The following NEK11 variants were observed in gnomAD, a reference collection of about 807,000 sequenced individuals.
The protein encoded by NEK11 is NIMA related kinase 11.
In NEK11, 72 loss-of-function variants were observed where a neutral mutation model predicts 80.7. The observed-to-expected ratio is 0.89, with a 90% confidence interval of 0.74 to 1.08. NEK11 has a LOEUF of 1.08. Ranked by LOEUF, NEK11 falls within the 50% of genes least tolerant of loss-of-function variation. The probability of loss-of-function intolerance (pLI) is 0.00; values close to 1 mark genes in which losing one functional copy is unlikely to be tolerated. For missense variants in NEK11, 764 were observed against 763.6 expected (o/e 1.00, Z -0.01); for synonymous variants, 251 against 260.7 (o/e 0.96, Z 0.36).
At chr3:131,342,509 C>T (rs2097301149) in intron 17 of NEK11, among the ~76,000 whole-genome samples, 1 of 149,246 alleles carries the variant, frequency 6.7e-6, no homozygotes, top group Non-Finnish European at 1.5e-5. Context: ...TAAGAAATTA[C>T]ATGTTTTTCA....
At chr3:131,187,857 C>T (rs1355274300) in intron 14 of NEK11, among the ~76,000 whole-genome samples, 2 of 152,138 alleles carry the variant, frequency 1.3e-5, no homozygotes, top group East Asian at 1.9e-4. Context: ...AATTCCTTCC[C>T]ACAGTGAAAG....
chr3:131,317,272 G>A (rs977287735), intron 17 of NEK11, among the ~76,000 whole-genome samples: 6 of 152,130 alleles, frequency 3.9e-5, no homozygotes, highest in Non-Finnish European at 5.9e-5. Flanking sequence ...GAGATGAAAC[G>A]AATAAAATTT....
intron 4 of NEK11, among the ~76,000 whole-genome samples, chr3:131,106,228 G>A (rs1284627584): frequency 6.7e-6 from 1 of 149,096 alleles, no homozygotes; most frequent in Non-Finnish European, 1.5e-5. Flanking sequence ...ACTGTCTTTA[G>A]TCTCTCTGTA....
chr3:131,136,989 A>G (rs1217003017), intron 7 of NEK11, among the ~76,000 whole-genome samples: 4 of 152,334 alleles, frequency 2.6e-5, no homozygotes, highest in African/African-American at 9.6e-5. Context: ...GGTCTTATTT[A>G]CTTTGTTGTG....
intron 14 of NEK11, among the ~76,000 whole-genome samples, chr3:131,207,158 T>C (rs2094465421): frequency 6.6e-6 from 1 of 152,248 alleles, no homozygotes; most frequent in Non-Finnish European, 1.5e-5. Context: ...GTAGCACGAT[T>C]TATAATCCTT....
At chr3:131,082,463 G>A (rs979814990) in intron 4 of NEK11, among the ~76,000 whole-genome samples, 1 of 152,178 alleles carries the variant, frequency 6.6e-6, no homozygotes, top group African/African-American at 2.4e-5. Context: ...CTATTTCACA[G>A]AACTTTCTGT....
At position 131,247,721 on chromosome 3, in the gene NEK11, C is replaced by T. The variant is rs529645965; in HGVS notation, c.1621+4225C>T. Among the ~76,000 whole-genome samples, 3 of 152,000 alleles carry T rather than the reference C, an allele frequency of 2.0e-5. No homozygotes were observed. In the South Asian group the frequency reaches 6.2e-4, roughly 32 times the overall value. ...TCATTTTCACAATGTTGATTCTCTC[C>T]ATCCATGAGCGTGGGATGTGTTTCC... On this transcript the variant is annotated intron_variant, in intron 16 of 17. Coordinates refer to ENST00000383366, the MANE Select transcript of NEK11 (RefSeq NM_024800.5).
chr3:131,151,190 T>C (rs1272449960), intron 7 of NEK11, among the ~76,000 whole-genome samples: 1 of 152,066 alleles, frequency 6.6e-6, no homozygotes, highest in Non-Finnish European at 1.5e-5. Flanking sequence ...TTACTACCTA[T>C]GTGACCTTGG....
At chr3:131,346,435 A>G (rs2097364231) in intron 17 of NEK11, among the ~76,000 whole-genome samples, 1 of 152,224 alleles carries the variant, frequency 6.6e-6, no homozygotes, top group South Asian at 2.1e-4. Flanking sequence ...GGCAGTGCTG[A>G]GTGCCATTCT....
chr3:131,316,095 C>A (rs951821869), intron 17 of NEK11, among the ~76,000 whole-genome samples: 1 of 152,018 alleles, frequency 6.6e-6, no homozygotes, highest in African/African-American at 2.4e-5. Flanking sequence ...GACAGTAGTT[C>A]TGTGGTTACT....
At chr3:131,050,503 C>T (rs181450574) in intron 3 of NEK11, among the ~76,000 whole-genome samples, 12 of 152,232 alleles carry the variant, frequency 7.9e-5, no homozygotes, top group Admixed American at 3.3e-4. Flanking sequence ...TTTATGACAC[C>T]GTTGGTTTAT....
intron 16 of NEK11, among the ~76,000 whole-genome samples, chr3:131,251,152 A>G (rs2095693491): frequency 1.3e-5 from 2 of 151,688 alleles, no homozygotes; most frequent in Admixed American, 1.3e-4. Context: ...GAAAAGTTTA[A>G]AAAAAATAGT....
intron 3 of NEK11, among the ~76,000 whole-genome samples, chr3:131,058,814 G>A (rs1282788701): frequency 6.6e-6 from 1 of 151,986 alleles, no homozygotes; most frequent in Non-Finnish European, 1.5e-5. Context: ...AGTCTGTCTG[G>A]GTAACAGGAA....
chr3:131,328,026 G>C (rs1291511448), intron 17 of NEK11, among the ~76,000 whole-genome samples: 1 of 152,080 alleles, frequency 6.6e-6, no homozygotes, highest in Non-Finnish European at 1.5e-5. Flanking sequence ...CCTCATGCCT[G>C]TACTTCTAGT....
intron 17 of NEK11, among the ~76,000 whole-genome samples, chr3:131,335,021 G>T (rs1261122507): frequency 6.6e-6 from 1 of 152,180 alleles, no homozygotes; most frequent in African/African-American, 2.4e-5. Context: ...TGGATTCACA[G>T]CCGAATTCTA....
chr3:131,157,743 T>G lies in NEK11; in HGVS notation c.962+2622T>G, dbSNP rs146201293. 2.1e-3 allele frequency among the ~76,000 whole-genome samples: 316 copies of G among 152,212 alleles called. 2 individuals are homozygous for G. The highest frequency in any genetic ancestry group is 7.1e-3 in the African/African-American group (293 of 41,524). ...AGGTGGGAATCCTGTATGGGGCCAC[T>G]GTACACCTGTGCACCGGGACCTCCA... On this transcript the variant is annotated intron_variant, in intron 10 of 17. Coordinates refer to ENST00000383366, the MANE Select transcript of NEK11 (RefSeq NM_024800.5).
intron 4 of NEK11, among the ~76,000 whole-genome samples, chr3:131,099,445 T>G (rs2078016895): frequency 6.6e-6 from 1 of 152,222 alleles, no homozygotes; most frequent in Non-Finnish European, 1.5e-5. Flanking sequence ...GCTTTGGCTA[T>G]TCAGGCTCTT....
At chr3:131,224,448 C>A (rs187198462) in intron 14 of NEK11, among the ~76,000 whole-genome samples, 1 of 152,042 alleles carries the variant, frequency 6.6e-6, no homozygotes, top group African/African-American at 2.4e-5. Context: ...AGGCTGTTCT[C>A]GAACTCCTGA....
intron 7 of NEK11, among the ~76,000 whole-genome samples, chr3:131,139,418 C>G (rs1344710058): frequency 6.7e-6 from 1 of 149,672 alleles, no homozygotes; most frequent in Non-Finnish European, 1.5e-5. Context: ...AAAGGCAAGT[C>G]TAAGAGTTAT....
Sources: allele counts gnomAD v4.1 joint callset (sites outside exome capture counted in the v4.1 genomes callset), GRCh38; gene constraint gnomAD v4.1.1; transcripts MANE v1.5; gene names NCBI Gene and HGNC (gene_info 2026-07-23, HGNC 2026-07-21).